Variants in MTPAP observed in about 807,000 individuals in gnomAD.
MTPAP encodes mitochondrial poly(A) polymerase, also known as poly(A) RNA polymerase, mitochondrial.
Under a neutral mutation model 48.7 loss-of-function variants are expected in MTPAP, and 23 were observed. The ratio of observed to expected loss-of-function variants is 0.47; its 90% confidence interval spans 0.34 to 0.67. MTPAP has a LOEUF of 0.67. MTPAP is among the 30% of genes least tolerant of loss of function. The probability of loss-of-function intolerance (pLI) is 0.01; values close to 1 mark genes in which losing one functional copy is unlikely to be tolerated. For missense variants in MTPAP, 614 were observed against 694.3 expected (o/e 0.88, Z 1.30); for synonymous variants, 257 against 254.1 (o/e 1.01, Z -0.11).
At chr10:30,329,755 A>C (rs1211708587) in intron 4 of MTPAP, among the ~76,000 whole-genome samples, 1 of 152,038 alleles carries the variant, frequency 6.6e-6, no homozygotes, top group African/African-American at 2.4e-5. Flanking sequence ...AGGATTTGGC[A>C]CTTTCACTGA....
intron 4 of MTPAP, among the ~76,000 whole-genome samples, chr10:30,336,201 TA>T (rs1733780060): frequency 6.6e-6 from 1 of 151,804 alleles, no homozygotes. Flanking sequence ...ATAACATATA[TA>T]AAGGCTGAAA....
At chr10:30,345,937 A>G (rs931310207) in intron 1 of MTPAP, among the ~76,000 whole-genome samples, 2 of 151,858 alleles carry the variant, frequency 1.3e-5, no homozygotes, top group Admixed American at 6.6e-5. Flanking sequence ...AATCCCAGGT[A>G]CTCAAGAGGC....
At position 30,313,755 on chromosome 10, in the gene MTPAP, C is replaced by A; in HGVS notation, c.1603G>T (p.Ala535Ser). The change falls in exon 9 of 9, where the codon GCT becomes TCT. Residue 535 changes from alanine to serine, a missense_variant. By Grantham distance (99) the Ala-to-Ser change is moderately conservative. Transcript: ENST00000263063. ...WGLVSLLLPSAPNRKSFTKKK... is the reference protein window; with the variant it reads ...WGLVSLLLPSSPNRKSFTKKK... ...TTGGTAAAGGACTTTCTGTTTGGAG[C>A]AGATGGTAGCAATAGGGATACCAGC... 1 of 1,614,138 alleles carries A rather than the reference C, an allele frequency of 6.2e-7. No individual in the cohort carries two copies. Among genetic ancestry groups the A allele is most frequent in the Non-Finnish European group, 8.5e-7 (1 of 1,180,006 alleles).
chr10:30,343,365 A>G (rs1393833495), intron 1 of MTPAP, among the ~76,000 whole-genome samples: 1 of 150,700 alleles, frequency 6.6e-6, no homozygotes, highest in Non-Finnish European at 1.5e-5. Flanking sequence ...CCGAGATTGC[A>G]CCATTGCACT....
intron 4 of MTPAP, among the ~76,000 whole-genome samples, chr10:30,328,713 A>G (rs927142295): frequency 2.0e-5 from 3 of 152,074 alleles, no homozygotes; most frequent in African/African-American, 7.2e-5. Context: ...TCATTTGGAG[A>G]TCTCTACTGG....
At chr10:30,338,916 G>A (rs1834763725) in intron 3 of MTPAP, among the ~76,000 whole-genome samples, 1 of 152,054 alleles carries the variant, frequency 6.6e-6, no homozygotes, top group African/African-American at 2.4e-5. Context: ...AAGGTCAGGA[G>A]ATCGAGACCA....
In MTPAP at chr10:30,316,162, C is replaced by T. The variant is rs191766498; in HGVS notation, c.1268G>A (p.Arg423His). ...VIEGNNCTFV[R>H]DLSRIKPSQN... ...TGAAGGTTTAATTCTACTCAAGTCA[C>T]GAACAAATGTGCAGTTGTTGCCTTC... Residue 423 changes from arginine (R) to histidine (H), a missense_variant, in exon 7 of 9, where the codon CGT (arginine) becomes CAT (histidine). Arg to His is a conservative substitution (Grantham distance 29). Coordinates refer to ENST00000263063, the MANE Select transcript of MTPAP (RefSeq NM_018109.4). 9.3e-6 allele frequency: 15 copies of T among 1,613,914 alleles called. No homozygotes were observed. Among genetic ancestry groups the T allele is most frequent in the Middle Eastern group, 1.7e-4 (1 of 6,060 alleles).
chr10:30,316,539 A>C (rs1303220699), intron 6 of MTPAP, among the ~76,000 whole-genome samples: 1 of 148,710 alleles, frequency 6.7e-6, no homozygotes, highest in Non-Finnish European at 1.5e-5. Context: ...CACCGCACCC[A>C]GCCTATTTCA....
intron 4 of MTPAP, 57 bp from the exon 5 acceptor site, chr10:30,326,692 A>G: frequency 7.3e-7 from 1 of 1,364,050 alleles, no homozygotes; most frequent in Admixed American, 1.7e-5. Flanking sequence ...CAATTTTTTA[A>G]TAAGCTTTTG....
In MTPAP at chr10:30,313,822, T is replaced by C. The variant is rs1273623194; in HGVS notation, c.1536A>G (p.Glu512=). The stretch of plus-strand genomic sequence containing the variant: ...TTGATATGGAAGGTCGATCTGTATC[T>C]TCCTGTTGTAAAATCCAGGCACTTT... ...ARESAWILQQ[E]DTDRPSISSN... is the part of the protein sequence containing the mutation. The change falls in exon 9 of 9, where the codon GAA becomes GAG. Residue 512 remains glutamate, a synonymous_variant. Coordinates refer to ENST00000263063, the MANE Select transcript of MTPAP (RefSeq NM_018109.4). The C allele has an allele frequency of 6.2e-7, 1 of 1,614,112 alleles. No individual in the cohort carries two copies. Among genetic ancestry groups the C allele is most frequent in the Non-Finnish European group, 8.5e-7 (1 of 1,180,036 alleles).
At chr10:30,347,906 A>C (rs1000228100) in intron 1 of MTPAP, among the ~76,000 whole-genome samples, 4 of 151,174 alleles carry the variant, frequency 2.6e-5, no homozygotes, top group African/African-American at 7.3e-5. Flanking sequence ...AGAAAAAAAA[A>C]AAACAGTGGG....
intron 5 of MTPAP, among the ~76,000 whole-genome samples, chr10:30,326,010 T>G (rs1021658567): frequency 6.6e-6 from 1 of 152,054 alleles, no homozygotes; most frequent in Non-Finnish European, 1.5e-5. Flanking sequence ...CAACTTCAAG[T>G]TGGTATTTTA....
chr10:30,320,509 A>G (rs548620977), intron 6 of MTPAP, among the ~76,000 whole-genome samples: 1 of 152,296 alleles, frequency 6.6e-6, no homozygotes, highest in East Asian at 1.9e-4. Context: ...GCAACAGAGC[A>G]AGACCCTTTC....
chr10:30,345,691 A>G (rs754641498), intron 1 of MTPAP, among the ~76,000 whole-genome samples: 5 of 152,230 alleles, frequency 3.3e-5, no homozygotes, highest in Non-Finnish European at 7.3e-5. Context: ...ATATTTTATG[A>G]CAGATTGAAA....
intron 1 of MTPAP, 108 bp from the exon 2 acceptor site, chr10:30,341,748 T>C: frequency 8.8e-7 from 1 of 1,140,484 alleles, no homozygotes; most frequent in African/African-American, 1.5e-5. Context: ...CAACTTCACC[T>C]AATCTATTTT....
At chr10:30,316,246 T>C (rs748238501) in intron 6 of MTPAP, 36 bp from the exon 7 acceptor site, 8 of 1,546,908 alleles carry the variant, frequency 5.2e-6, no homozygotes, top group Non-Finnish European at 7.1e-6. Context: ...ACGTGTTTTT[T>C]TTTTTTCTTT....
intron 3 of MTPAP, among the ~76,000 whole-genome samples, chr10:30,338,677 A>AAAT (rs1227784075): frequency 6.6e-6 from 1 of 152,170 alleles, no homozygotes; most frequent in Non-Finnish European, 1.5e-5. Context: ...CTCTGTCTCA[A>AAAT]AATAATAATA....
chr10:30,341,005 G>A (rs754545479), intron 2 of MTPAP, among the ~76,000 whole-genome samples: 7 of 152,018 alleles, frequency 4.6e-5, no homozygotes, highest in Admixed American at 1.3e-4. Flanking sequence ...AAAATCCAAA[G>A]GCAAAACAAA....
chr10:30,337,339 G>A (rs1834741868), intron 3 of MTPAP, among the ~76,000 whole-genome samples: 1 of 152,118 alleles, frequency 6.6e-6, no homozygotes, highest in Admixed American at 6.6e-5. Context: ...CAGGAGAATC[G>A]CTTGAACCCA....
Sources: allele counts gnomAD v4.1 joint callset (sites outside exome capture counted in the v4.1 genomes callset), GRCh38; gene constraint gnomAD v4.1.1; transcripts MANE v1.5; gene names NCBI Gene and HGNC (gene_info 2026-07-23, HGNC 2026-07-21).